The following DBF4 variants were observed in gnomAD, a reference collection of about 807,000 sequenced individuals.
DBF4 encodes the protein DBF4-CDC7 kinase regulatory subunit, also known as protein DBF4 homolog A.
A neutral mutation model predicts 76.6 loss-of-function variants in DBF4; 25 were observed. The ratio of observed to expected loss-of-function variants is 0.33; its 90% CI spans 0.24 to 0.46. The LOEUF is 0.46. DBF4 is among the 20% of genes least tolerant of loss of function. The pLI is 1.00. For missense variants in DBF4, 638 were observed against 760.8 expected, an observed-to-expected ratio of 0.84 and a Z score of 1.90; for synonymous variants, 213 against 258.0, an observed-to-expected ratio of 0.83 and a Z score of 1.67.
At chr7:87,889,971 A>G (rs772326684) in intron 6 of DBF4, among the ~76,000 whole-genome samples, 2 of 152,216 alleles carry the variant, frequency 1.3e-5, no homozygotes, top group Admixed American at 6.5e-5. Context: ...AATTGCCTCT[A>G]CCACACTTAG....
At chr7:87,886,734 A>G in intron 3 of DBF4, 110 bp from the exon 4 acceptor site, 2 of 689,306 alleles carry the variant, frequency 2.9e-6, no homozygotes, top group Non-Finnish European at 5.0e-6. Flanking sequence ...CCCAAAAAAG[A>G]GAAACTTTTT....
intron 5 of DBF4, 122 bp downstream of exon 5, chr7:87,887,520 C>A: frequency 1.8e-6 from 2 of 1,120,722 alleles, no homozygotes; most frequent in Non-Finnish European, 2.4e-6. Flanking sequence ...TTTCCTATTG[C>A]TTATAACAGA....
intron 2 of DBF4, among the ~76,000 whole-genome samples, chr7:87,879,880 G>A (rs1839167873): frequency 6.6e-6 from 1 of 151,744 alleles, no homozygotes; most frequent in African/African-American, 2.4e-5. Context: ...TTGAACCTGG[G>A]AGGCGGAGGT....
At chr7:87,885,345 G>C (rs569324750) in intron 3 of DBF4, among the ~76,000 whole-genome samples, 187 bp downstream of exon 3, 127 of 152,318 alleles carry the variant, frequency 8.3e-4, no homozygotes, top group African/African-American at 2.9e-3. Flanking sequence ...AATAGTTCTT[G>C]TGTAATCATA....
At chr7:87,881,709 C>T (rs1171860212) in intron 2 of DBF4, among the ~76,000 whole-genome samples, 4 of 152,104 alleles carry the variant, frequency 2.6e-5, no homozygotes, top group African/African-American at 9.7e-5. Context: ...AAAATATAAC[C>T]CTCTAGGTAT....
At chr7:87,891,166 GCTTTT>G (rs1297743555) in intron 6 of DBF4, among the ~76,000 whole-genome samples, 6 of 147,262 alleles carry the variant, frequency 4.1e-5, no homozygotes, top group African/African-American at 1.5e-4. Context: ...TGAGGTTTGG[GCTTTT>G]CTTTTTTTTT....
chr7:87,880,580 ATT>A (rs1452867438), intron 2 of DBF4, among the ~76,000 whole-genome samples: 1 of 152,138 alleles, frequency 6.6e-6, no homozygotes, highest in Non-Finnish European at 1.5e-5. Context: ...ACTAAAAAAG[ATT>A]TTGTCATAAC....
rs145891715 is a variant in DBF4 at position 87,885,324 on chromosome 7, G to A, written c.399+166G>A. The A allele has an allele frequency of 3.3e-4, 172 of 528,824 alleles. 1 individual carries two copies. In the East Asian group the frequency reaches 5.2e-3, roughly 16 times the overall value. The allele number at this position is 528,824 out of a possible 1,614,324, so 32.8% of individuals were successfully genotyped here. ...TAAAGTTGCTGTCTTTTAGGAAGGT[G>A]GGTTTTTCCTAATAGTTCTTGTGTA... On this transcript the variant is annotated intron_variant, in intron 3 of 11. Transcript: ENST00000265728.
At chr7:87,885,283 G>GCT in intron 3 of DBF4, 125 bp downstream of exon 3, 1 of 749,746 alleles carries the variant, frequency 1.3e-6, no homozygotes, top group Admixed American at 3.0e-5. Context: ...ATGATGTGTG[G>GCT]CTCTCTAGTC....
At chr7:87,878,273 T>G (rs1053986012) in intron 2 of DBF4, 48 bp downstream of exon 2, 2 of 1,407,214 alleles carry the variant, frequency 1.4e-6, no homozygotes, top group Non-Finnish European at 1.9e-6. Flanking sequence ...TTGTAACTAG[T>G]ACTTTCTACT....
intron 4 of DBF4, 54 bp from the exon 5 acceptor site, chr7:87,887,275 T>A: frequency 7.9e-7 from 1 of 1,262,288 alleles, no homozygotes; most frequent in South Asian, 1.4e-5. Flanking sequence ...TTATTAAAAT[T>A]TAGCTCATCT....
intron 8 of DBF4, among the ~76,000 whole-genome samples, 178 bp downstream of exon 8, chr7:87,897,517 C>T (rs1319101034): frequency 6.6e-6 from 1 of 152,094 alleles, no homozygotes; most frequent in Non-Finnish European, 1.5e-5. Context: ...TGCTCAAGGA[C>T]TGAATTTAGT....
At chr7:87,888,151 AG>A in intron 6 of DBF4, 92 bp downstream of exon 6, 1 of 1,422,608 alleles carries the variant, frequency 7.0e-7, no homozygotes, top group Non-Finnish European at 9.3e-7. Context: ...AAAATATCCT[AG>A]GGGCAAGCCT....
chr7:87,879,084 G>A (rs535537799), intron 2 of DBF4, among the ~76,000 whole-genome samples: 3 of 152,124 alleles, frequency 2.0e-5, no homozygotes, highest in Non-Finnish European at 2.9e-5. Context: ...GAGTAGCTAC[G>A]ATTACAGGCA....
chr7:87,907,648 C>A lies in DBF4; in HGVS notation c.1510C>A (p.Pro504Thr). The change falls in exon 12 of 12, where the codon CCA (proline) becomes ACA (threonine). Residue 504 changes from proline (P) to threonine (T), a missense_variant. By Grantham distance (38) the Pro-to-Thr change is conservative. Transcript: ENST00000265728. ...CAGTACAGATAATAGTGGATCTCAA[C>A]CAAAACAGAAGTCAGATACTGTGCT... ...DFSTDNSGSQ[P>T]KQKSDTVLFP... 6.2e-7 allele frequency: 1 copy of A among 1,613,996 alleles called. No homozygotes were observed. The highest frequency in any genetic ancestry group is 8.5e-7 in the Non-Finnish European group (1 of 1,179,940).
At position 87,876,646 on chromosome 7, in the gene DBF4, G is replaced by A; in HGVS notation, c.-87G>A. 1.3e-6 allele frequency: 2 copies of A among 1,494,528 alleles called. No homozygotes were observed. The highest frequency in any genetic ancestry group is 1.2e-5 in the South Asian group (1 of 86,548). 92.6% of individuals were successfully genotyped at this position (1,494,528 alleles called of 1,614,324 possible). ...GCGGAAGGAGAGAGGCGGCCGTCCT[G>A]TCAACAGGCCGGGGGAAGCCGTGCT... is the stretch of plus-strand genomic sequence containing the variant. On this transcript the variant is annotated 5_prime_UTR_variant, in exon 1 of 12. Transcript: ENST00000265728.
At chr7:87,898,269 C>T (rs1311145254) in intron 8 of DBF4, among the ~76,000 whole-genome samples, 1 of 152,060 alleles carries the variant, frequency 6.6e-6, no homozygotes, top group Non-Finnish European at 1.5e-5. Flanking sequence ...GAAAAAAGTG[C>T]AATTCAAAAG....
At chr7:87,899,045 C>T (rs1464264710) in intron 8 of DBF4, among the ~76,000 whole-genome samples, 2 of 151,986 alleles carry the variant, frequency 1.3e-5, no homozygotes, top group Admixed American at 1.3e-4. Context: ...TATACACATG[C>T]AAAAGAATGG....
chr7:87,902,573 A>G (rs1277437688), intron 10 of DBF4, among the ~76,000 whole-genome samples: 1 of 152,188 alleles, frequency 6.6e-6, no homozygotes, highest in Non-Finnish European at 1.5e-5. Flanking sequence ...GAGGGTCTCA[A>G]AAGGCCCAAC....
Sources: allele counts gnomAD v4.1 joint callset (sites outside exome capture counted in the v4.1 genomes callset), GRCh38; gene constraint gnomAD v4.1.1; transcripts MANE v1.5; gene names NCBI Gene and HGNC (gene_info 2026-07-23, HGNC 2026-07-21).